Variants in GPAT4 observed in about 807,000 individuals in gnomAD.
The protein encoded by GPAT4 is 1-AGP acyltransferase 6.
In GPAT4, 17 loss-of-function variants were observed where a neutral mutation model predicts 58.0. That is an observed-to-expected ratio of 0.29 (90% CI 0.20 to 0.44). The LOEUF (loss-of-function observed/expected upper bound fraction) is 0.44, where lower values mean the gene tolerates loss of function less well. Ranked by LOEUF, GPAT4 falls within the 20% of genes least tolerant of loss-of-function variation. The pLI, the probability that GPAT4 is intolerant of heterozygous loss-of-function variation, is 1.00. For missense variants in GPAT4, 377 were observed against 574.5 expected, an observed-to-expected ratio of 0.66 and a Z score of 3.51; for synonymous variants, 204 against 210.1, an observed-to-expected ratio of 0.97 and a Z score of 0.25.
Position 41,621,255 on chromosome 8 carries a change from A to G in GPAT4, c.*254A>G. ...GAGATGCCTTGTTTCTTTTACAATA[A>G]GTCGTTGGAGGAATGCCATTAAAGT... On this transcript the variant is annotated 3_prime_UTR_variant, in exon 13 of 13. Coordinates refer to ENST00000396987, the MANE Select transcript of GPAT4 (RefSeq NM_178819.4). 1.9e-6 allele frequency: 1 copy of G among 523,854 alleles called. No homozygotes were observed. The highest frequency in any genetic ancestry group is 3.3e-5 in the East Asian group (1 of 30,464). The allele number at this position is 523,854 out of a possible 1,614,324, so 32.5% of individuals were successfully genotyped here.
At chr8:41,615,234 T>C (rs1021771712) in intron 10 of GPAT4, among the ~76,000 whole-genome samples, 186 bp downstream of exon 10, 7 of 152,164 alleles carry the variant, frequency 4.6e-5, no homozygotes, top group Non-Finnish European at 8.8e-5. Flanking sequence ...TCAGCACCCC[T>C]TAGAAGGGCC....
At chr8:41,611,550 A>C (rs1803444286) in intron 5 of GPAT4, among the ~76,000 whole-genome samples, 1 of 152,116 alleles carries the variant, frequency 6.6e-6, no homozygotes, top group African/African-American at 2.4e-5. Context: ...GGGTTTAGAA[A>C]CCTTTCTTCT....
At chr8:41,594,266 A>C (rs921154594) in intron 1 of GPAT4, among the ~76,000 whole-genome samples, 43 of 152,220 alleles carry the variant, frequency 2.8e-4, no homozygotes, top group African/African-American at 1.0e-3. Flanking sequence ...TTTACAATTA[A>C]CGTTTTAAAA....
At chr8:41,581,855 G>A (rs76373083) in intron 1 of GPAT4, among the ~76,000 whole-genome samples, 22,792 of 147,170 alleles carry the variant, frequency 0.15, 2,206 homozygotes, top group East Asian at 0.34. Context: ...GGATGGTCTC[G>A]ATCTCCTGAC....
intron 10 of GPAT4, among the ~76,000 whole-genome samples, chr8:41,618,060 G>A (rs937020116): frequency 6.6e-6 from 1 of 152,248 alleles, no homozygotes; most frequent in African/African-American, 2.4e-5. Flanking sequence ...GGTAGATGCA[G>A]GCCTGTGTGG....
intron 2 of GPAT4, among the ~76,000 whole-genome samples, chr8:41,599,725 C>T (rs1489227522): frequency 3.9e-5 from 6 of 152,264 alleles, no homozygotes; most frequent in East Asian, 1.9e-4. Context: ...AAAGAATGGA[C>T]AGAAAAGGGC....
At chr8:41,589,456 C>T (rs1393858566) in intron 1 of GPAT4, among the ~76,000 whole-genome samples, 1 of 151,542 alleles carries the variant, frequency 6.6e-6, no homozygotes, top group African/African-American at 2.4e-5. Flanking sequence ...GCAGACTCTT[C>T]CTATAAGGGG....
chr8:41,579,424 A>G (rs377162403), intron 1 of GPAT4, among the ~76,000 whole-genome samples: 36 of 152,292 alleles, frequency 2.4e-4, no homozygotes, highest in South Asian at 6.2e-4. Context: ...CACCATACCA[A>G]GTCATAAGGT....
rs567790530 is a variant in GPAT4, at chr8:41,581,625, C to CTT, written c.-849+3367_-849+3368dup. 4.4e-3 allele frequency among the ~76,000 whole-genome samples: 490 copies of CTT among 110,524 alleles called. 7 individuals are homozygous for CTT. The highest frequency in any genetic ancestry group is 0.012 in the African/African-American group (366 of 29,602). The allele number at this position is 110,524 out of a possible 152,430, so 72.5% of individuals were successfully genotyped here. A position where few individuals can be genotyped will look rare whatever the true frequency, so the allele number is the denominator to read the frequency against. ...AGCCACCATGCCAGGCCTTTGTTGA[C>CTT]TTTTTTTTTTTTTTTTTTTTTGAGA... On this transcript the variant is annotated intron_variant, in intron 1 of 12. Transcript: ENST00000396987.
At chr8:41,586,629 G>C (rs1019348431) in intron 1 of GPAT4, among the ~76,000 whole-genome samples, 1 of 152,186 alleles carries the variant, frequency 6.6e-6, no homozygotes, top group African/African-American at 2.4e-5. Flanking sequence ...GTGACAGCCA[G>C]CCCGGTCTGA....
At chr8:41,588,560 C>T (rs986621840) in intron 1 of GPAT4, among the ~76,000 whole-genome samples, 2 of 150,792 alleles carry the variant, frequency 1.3e-5, no homozygotes, top group Non-Finnish European at 3.0e-5. Context: ...GTTTTCTTTT[C>T]CAAGAGTGTA....
Position 41,609,883 on chromosome 8 carries a change from A to G in GPAT4, c.464A>G (p.Tyr155Cys). The G allele has an allele frequency of 6.2e-7, 1 of 1,614,236 alleles. No individual in the cohort carries two copies. Among genetic ancestry groups the G allele is most frequent in the Non-Finnish European group, 8.5e-7 (1 of 1,180,044 alleles). The change falls in exon 4 of 13, where the codon TAC (tyrosine) becomes TGC (cysteine). Residue 155 changes from tyrosine to cysteine, a missense_variant. Transcript: ENST00000396987. ...AGCAGAACCAATTATAACTTCCAGT[A>G]CATCAGCCTTCGGCTCACGGTCCTG... ...LLSRTNYNFQYISLRLTVLWG... is the reference protein window; with the variant it reads ...LLSRTNYNFQCISLRLTVLWG...
intron 1 of GPAT4, among the ~76,000 whole-genome samples, chr8:41,591,649 G>A (rs1366169445): frequency 6.6e-6 from 1 of 152,222 alleles, no homozygotes; most frequent in Non-Finnish European, 1.5e-5. Flanking sequence ...TATTACTATT[G>A]TAACTCCTAT....
In GPAT4 at chr8:41,615,039, T is replaced by C. The variant is rs929772328; in HGVS notation, c.1044T>C (p.Val348=). ...AAATTGGAGCCACAGTTTACCCTGT[T>C]GCTATCAAGGTATAAGACCTCCGAT... is the stretch of plus-strand genomic sequence containing the variant. ...SFEIGATVYP[V]AIKYDPQFGD... The change falls in exon 10 of 13, where the codon GTT becomes GTC. Residue 348 remains valine, a synonymous_variant. Coordinates refer to ENST00000396987, the MANE Select transcript of GPAT4 (RefSeq NM_178819.4). The C allele has an allele frequency of 1.2e-6, 2 of 1,613,070 alleles. No individual in the cohort carries two copies. The highest frequency in any genetic ancestry group is 1.7e-6 in the Non-Finnish European group (2 of 1,179,024).
chr8:41,620,869 T>C (rs1396715964), intron 12 of GPAT4, 24 bp from the exon 13 acceptor site: 6 of 1,549,826 alleles, frequency 3.9e-6, no homozygotes, highest in Non-Finnish European at 5.2e-6. Flanking sequence ...TGGCTGTTAC[T>C]ACATCCAGCC....
intron 10 of GPAT4, among the ~76,000 whole-genome samples, chr8:41,616,867 C>G (rs1803608901): frequency 6.6e-6 from 1 of 152,256 alleles, no homozygotes; most frequent in Non-Finnish European, 1.5e-5. Flanking sequence ...CTTGGATAAC[C>G]TTAGCGATTT....
chr8:41,587,544 G>A (rs1486748598), intron 1 of GPAT4, among the ~76,000 whole-genome samples: 1 of 152,138 alleles, frequency 6.6e-6, no homozygotes, highest in Non-Finnish European at 1.5e-5. Flanking sequence ...ATACACTTCT[G>A]CACTACTGAC....
At chr8:41,619,940 G>A (rs1290775099) in intron 12 of GPAT4, among the ~76,000 whole-genome samples, 3 of 152,144 alleles carry the variant, frequency 2.0e-5, no homozygotes, top group Non-Finnish European at 2.9e-5. Flanking sequence ...TAGCCGCAGC[G>A]CTGTAAACAG....
Position 41,588,568 on chromosome 8 carries a change from G to A in GPAT4, c.-848-9724G>A, listed in dbSNP as rs150728639. Among the ~76,000 whole-genome samples the A allele has an allele frequency of 3.3e-3, 489 of 149,290 alleles. 4 individuals are homozygous for A. Among genetic ancestry groups the A allele is most frequent in the African/African-American group, 9.6e-3 (388 of 40,274 alleles). On this transcript the variant is annotated intron_variant, in intron 1 of 12. Transcript: ENST00000396987. ...CTGTTTTGTTTTCTTTTCCAAGAGT[G>A]TATTTTCCTTGTCAACAGTCATCAT...
Sources: gnomAD v4.1 joint callset for allele counts (sites outside exome capture counted in the v4.1 genomes callset) on GRCh38, gnomAD v4.1.1 for gene constraint, MANE v1.5 for transcripts, NCBI Gene and HGNC (gene_info 2026-07-23, HGNC 2026-07-21) for gene names.